Variants in OGT observed in about 807,000 individuals in gnomAD.
The protein encoded by OGT is UDP-N-acetylglucosamine--peptide N-acetylglucosaminyltransferase 110 kDa subunit.
Under a neutral mutation model 75.8 loss-of-function variants are expected in OGT, and 3 were observed. That is an observed-to-expected ratio of 0.04 (90% CI 0.02 to 0.10). OGT has a LOEUF of 0.10. Ranked by LOEUF, OGT falls within the 10% of genes least tolerant of loss-of-function variation. The pLI, the probability that OGT is intolerant of heterozygous loss-of-function variation, is 1.00. For missense variants in OGT, 260 were observed against 824.4 expected (o/e 0.32, Z 8.38); for synonymous variants, 257 against 289.7 (o/e 0.89, Z 1.15).
intron 3 of OGT, among the ~76,000 whole-genome samples, chrX:71,543,297 T>C (rs1192457047): frequency 8.9e-6 from 1 of 111,844 alleles, no homozygotes. Context: ...CCTGTTGTCA[T>C]TGTTTCTGCC....
intron 21 of OGT, among the ~76,000 whole-genome samples, chrX:71,572,156 T>A (rs12841963): frequency 1.8e-5 from 2 of 111,711 alleles, no homozygotes; most frequent in Non-Finnish European, 3.8e-5. Flanking sequence ...TCAGTCAGTC[T>A]TTTTCACCAA....
chrX:71,559,322 A>G lies in OGT; in HGVS notation c.1658A>G (p.Asp553Gly), dbSNP rs866543684. ...YEHPKDLKLSDGRLRVGYVSS... is the reference protein window; with the variant it reads ...YEHPKDLKLSGGRLRVGYVSS... The stretch of plus-strand genomic sequence containing the variant: ...CATCCAAAAGACTTGAAGCTCAGTG[A>G]TGGTCGGCTGCGTGTAGGATATGTG... Residue 553 changes from aspartate to glycine, a missense_variant, in exon 13 of 22, where the codon GAT (aspartate) becomes GGT (glycine). Transcript: ENST00000373719. 1 of 1,210,359 alleles carries G rather than the reference A, an allele frequency of 8.3e-7. No homozygotes were observed. Among genetic ancestry groups the G allele is most frequent in the Non-Finnish European group, 1.1e-6 (1 of 894,351 alleles).
intron 19 of OGT, among the ~76,000 whole-genome samples, 157 bp from the exon 20 acceptor site, chrX:71,567,343 T>A (rs1194202509): frequency 8.9e-6 from 1 of 111,976 alleles, no homozygotes; most frequent in Non-Finnish European, 1.9e-5. Flanking sequence ...ATTCAATTGA[T>A]CTCATTCATC....
chrX:71,535,720 C>T (rs1196305748), intron 1 of OGT, among the ~76,000 whole-genome samples: 1 of 111,821 alleles, frequency 8.9e-6, no homozygotes, highest in East Asian at 2.8e-4. Flanking sequence ...CTCAACAAAT[C>T]CAACCTGAAA....
chrX:71,565,667 T>C (rs1454520150), intron 19 of OGT, among the ~76,000 whole-genome samples: 1 of 112,498 alleles, frequency 8.9e-6, no homozygotes, highest in Non-Finnish European at 1.9e-5. Flanking sequence ...GTCAGCAAAC[T>C]TTTTCTTAAA....
At position 71,533,326 on chromosome X, in the gene OGT, C is replaced by CGA. The variant is rs1569422705; in HGVS notation, c.28_29dup (p.Asp10GlufsTer16). On this transcript the variant is annotated frameshift_variant, in exon 1 of 22. Coordinates refer to ENST00000373719, the MANE Select transcript of OGT (RefSeq NM_181672.3). LOFTEE classifies it high-confidence loss of function. ...TGGCGTCTTCCGTGGGCAACGTGGC[C>CGA]GACAGCACAGGTACCGGTGTCCCGT... is the stretch of plus-strand genomic sequence containing the variant. 8.3e-7 allele frequency: 1 copy of CGA among 1,198,444 alleles called. No homozygotes were observed. The highest frequency in any genetic ancestry group is 1.1e-6 in the Non-Finnish European group (1 of 888,580).
intron 20 of OGT, 85 bp from the exon 21 acceptor site, chrX:71,567,908 G>A (rs886360267): frequency 2.0e-5 from 22 of 1,101,694 alleles, no homozygotes; most frequent in Middle Eastern, 2.5e-4. Context: ...CTTCATCTGC[G>A]TTGTGTGGAG....
At chrX:71,547,244 A>G in intron 4 of OGT, 1 of 754,090 alleles carries the variant, frequency 1.3e-6, no homozygotes, top group Non-Finnish European at 1.6e-6. Context: ...TTTTCTCCTC[A>G]GTAGCATAGT....
At chrX:71,561,969 C>T (rs1212030630) in intron 15 of OGT, 69 bp downstream of exon 15, 7 of 1,022,124 alleles carry the variant, frequency 6.8e-6, no homozygotes, top group Non-Finnish European at 9.2e-6. Context: ...GCTGCTTTTC[C>T]TCCCTCTGGT....
intron 21 of OGT, among the ~76,000 whole-genome samples, chrX:71,573,056 C>T (rs2040469332): frequency 8.9e-6 from 1 of 111,800 alleles, no homozygotes; most frequent in Non-Finnish European, 1.9e-5. Context: ...ATTTCTTTTC[C>T]CCTTGAGTGG....
intron 4 of OGT, chrX:71,545,034 G>A (rs2040249788): frequency 7.7e-6 from 1 of 129,626 alleles, no homozygotes; most frequent in Non-Finnish European, 1.6e-5. Context: ...GTCCTTTGTG[G>A]CTTGTAAGTG....
intron 14 of OGT, among the ~76,000 whole-genome samples, chrX:71,560,548 C>G (rs1397563900): frequency 9.0e-6 from 1 of 111,371 alleles, no homozygotes; most frequent in East Asian, 2.8e-4. Context: ...TATGTATGTA[C>G]ATACACATGC....
chrX:71,547,125 GC>G, intron 4 of OGT: 1 of 754,726 alleles, frequency 1.3e-6, no homozygotes, highest in Non-Finnish European at 1.6e-6. Flanking sequence ...CAACCTAGGT[GC>G]AATCCTGTCA....
chrX:71,550,801 G>T (rs1333627179), intron 5 of OGT, among the ~76,000 whole-genome samples: 1 of 110,739 alleles, frequency 9.0e-6, no homozygotes, highest in East Asian at 2.8e-4. Context: ...AATAAACCAG[G>T]CACAGAAAGT....
chrX:71,572,895 G>A (rs2040468313), intron 21 of OGT, among the ~76,000 whole-genome samples: 1 of 112,545 alleles, frequency 8.9e-6, no homozygotes. Flanking sequence ...CAAAAGGGAA[G>A]TAGAAATCTT....
chrX:71,565,159 C>CA (rs2040408359), intron 19 of OGT, among the ~76,000 whole-genome samples: 1 of 111,672 alleles, frequency 9.0e-6, no homozygotes, highest in South Asian at 3.7e-4. Flanking sequence ...ACCTCCATCT[C>CA]AAAAAAATTT....
intron 1 of OGT, 78 bp downstream of exon 1, chrX:71,533,414 C>T: frequency 1.1e-6 from 1 of 903,533 alleles, no homozygotes; most frequent in Non-Finnish European, 1.6e-6. Context: ...CACTCCTTCC[C>T]TCCCTTCCCT....
At chrX:71,568,580 C>A (rs2040430812) in intron 21 of OGT, among the ~76,000 whole-genome samples, 1 of 111,951 alleles carries the variant, frequency 8.9e-6, no homozygotes, top group Non-Finnish European at 1.9e-5. Flanking sequence ...GTAATCTCAG[C>A]ACTTTGGGAG....
chrX:71,550,715 T>C (rs766050083), intron 5 of OGT, among the ~76,000 whole-genome samples: 1 of 112,695 alleles, frequency 8.9e-6, no homozygotes, highest in South Asian at 3.6e-4. Flanking sequence ...TTTCCTTTAC[T>C]GTGCAGAAGC....
Sources: gnomAD v4.1 joint callset for allele counts (sites outside exome capture counted in the v4.1 genomes callset) on GRCh38, gnomAD v4.1.1 for gene constraint, MANE v1.5 for transcripts, NCBI Gene and HGNC (gene_info 2026-07-23, HGNC 2026-07-21) for gene names.